The following SGIP1 variants were observed in gnomAD, a reference collection of about 807,000 sequenced individuals.
The protein encoded by SGIP1 is SH3GL interacting endocytic adaptor 1.
A neutral mutation model predicts 107.5 loss-of-function variants in SGIP1; 38 were observed. The observed-to-expected ratio is 0.35, with a 90% CI of 0.27 to 0.46. The LOEUF is 0.46. Ranked by LOEUF, SGIP1 falls within the 20% of genes least tolerant of loss-of-function variation. The pLI, the probability that SGIP1 is intolerant of heterozygous loss-of-function variation, is 1.00. For missense variants in SGIP1, 929 were observed against 1,019.5 expected, an observed-to-expected ratio of 0.91 and a Z score of 1.21; for synonymous variants, 365 against 366.1, an observed-to-expected ratio of 1.00 and a Z score of 0.03.
chr1:66,542,864 C>T (rs1426925363), intron 1 of SGIP1, among the ~76,000 whole-genome samples: 1 of 152,144 alleles, frequency 6.6e-6, no homozygotes, highest in Non-Finnish European at 1.5e-5. Context: ...GTGGCAGAAC[C>T]AGCACTTATC....
intron 18 of SGIP1, among the ~76,000 whole-genome samples, chr1:66,708,791 T>C (rs1374236934): frequency 2.6e-5 from 4 of 151,976 alleles, no homozygotes; most frequent in African/African-American, 4.8e-5. Context: ...AAAAAATATA[T>C]ATGCACATGA....
chr1:66,566,923 C>T (rs1046813414), intron 1 of SGIP1, among the ~76,000 whole-genome samples: 1 of 151,984 alleles, frequency 6.6e-6, no homozygotes, highest in Non-Finnish European at 1.5e-5. Flanking sequence ...CATGTGTTCT[C>T]ATCATTCAAC....
chr1:66,706,541 G>T (rs2092534165), intron 18 of SGIP1, among the ~76,000 whole-genome samples: 1 of 149,420 alleles, frequency 6.7e-6, no homozygotes, highest in African/African-American at 2.4e-5. Context: ...ATAAATAAAT[G>T]TAAAGATGAC....
intron 24 of SGIP1, among the ~76,000 whole-genome samples, chr1:66,742,210 C>T (rs181251195): frequency 9.9e-5 from 15 of 152,166 alleles, no homozygotes; most frequent in South Asian, 8.3e-4. Flanking sequence ...GGCCACAGAT[C>T]AAAACTGGTC....
At chr1:66,679,793 C>T (rs2086249111) in intron 14 of SGIP1, 41 bp downstream of exon 14, 1 of 1,530,160 alleles carries the variant, frequency 6.5e-7, no homozygotes, top group African/African-American at 1.4e-5. Context: ...ATGTGTCAAA[C>T]AGAGCAGTGG....
intron 4 of SGIP1, among the ~76,000 whole-genome samples, chr1:66,637,455 T>TTGTG (rs879668501): frequency 1.6e-3 from 60 of 38,478 alleles, no homozygotes; most frequent in African/African-American, 5.3e-3. Context: ...GTGTGTGTGT[T>TTGTG]TGTGTGTGTG....
chr1:66,539,470 C>G (rs2054379775), intron 1 of SGIP1, among the ~76,000 whole-genome samples: 1 of 152,176 alleles, frequency 6.6e-6, no homozygotes, highest in South Asian at 2.1e-4. Context: ...TTAGAAAGAT[C>G]TGATATTAGA....
At chr1:66,659,902 G>A (rs1489441739) in intron 7 of SGIP1, among the ~76,000 whole-genome samples, 1 of 146,534 alleles carries the variant, frequency 6.8e-6, no homozygotes, top group African/African-American at 2.6e-5. Context: ...GAGCAAGACA[G>A]ACTCTGTCAG....
intron 1 of SGIP1, among the ~76,000 whole-genome samples, chr1:66,610,689 A>G (rs2067800505): frequency 6.7e-6 from 1 of 148,610 alleles, no homozygotes; most frequent in South Asian, 2.3e-4. Context: ...TAGGGGAAAA[A>G]AGGAATTCAG....
At position 66,589,216 on chromosome 1, in the gene SGIP1, A is replaced by ATGTGTG. The variant is rs1477899813; in HGVS notation, c.11-36628_11-36627insGTGTGT. Among the ~76,000 whole-genome samples the ATGTGTG allele has an allele frequency of 8.3e-5, 8 of 96,436 alleles. 1 individual carries two copies. The highest frequency in any genetic ancestry group is 3.3e-4 in the African/African-American group (8 of 24,318). The allele number at this position is 96,436 out of a possible 152,430, so 63.3% of individuals were successfully genotyped here. A position where few individuals can be genotyped will look rare whatever the true frequency, so the allele number is the denominator to read the frequency against. ...TATATATATATATATATATATATAT[A>ATGTGTG]TGTAAGGCTTGGGGTAAAGAGAAGG... On this transcript the variant is annotated intron_variant, in intron 1 of 24. Coordinates refer to ENST00000371037, the MANE Select transcript of SGIP1 (RefSeq NM_032291.4).
chr1:66,644,586 C>A (rs565852222), intron 7 of SGIP1, among the ~76,000 whole-genome samples: 6 of 152,266 alleles, frequency 3.9e-5, no homozygotes, highest in Admixed American at 2.6e-4. Context: ...AGCATTCCCC[C>A]TGAACAGAGC....
At chr1:66,721,735 T>C (rs1438197493) in intron 19 of SGIP1, among the ~76,000 whole-genome samples, 1 of 151,898 alleles carries the variant, frequency 6.6e-6, no homozygotes, top group Admixed American at 6.6e-5. Context: ...AAAATAAGAG[T>C]AGTCAGGAGT....
chr1:66,741,345 C>A lies in SGIP1; in HGVS notation c.2373C>A (p.Phe791Leu). 1 of 1,610,940 alleles carries A rather than the reference C, an allele frequency of 6.2e-7. No homozygotes were observed. The highest frequency in any genetic ancestry group is 1.1e-5 in the South Asian group (1 of 90,566). The change falls in exon 24 of 25, where the codon TTC (phenylalanine) becomes TTA (leucine). Residue 791 changes from phenylalanine (F) to leucine (L), a missense_variant. Physicochemically the swap from Phe to Leu is conservative, Grantham distance 22. Coordinates refer to ENST00000371037, the MANE Select transcript of SGIP1 (RefSeq NM_032291.4). ...AACCTTCTCCATTGGTTGTGCAGTT[C>A]ACAAGTGAAGGAAGCACCCTTTCTG... ...PSKPSPLVVQ[F>L]TSEGSTLSGC...
chr1:66,643,916 T>C (rs1430072763), intron 7 of SGIP1, 197 bp downstream of exon 7: 1 of 381,680 alleles, frequency 2.6e-6, no homozygotes, highest in Non-Finnish European at 4.5e-6. Context: ...CCTTGTGCTT[T>C]TCAAAAAGGT....
chr1:66,696,277 A>T (rs148605017), intron 18 of SGIP1, among the ~76,000 whole-genome samples: 1 of 152,184 alleles, frequency 6.6e-6, no homozygotes, highest in Admixed American at 6.6e-5. Context: ...ATGATGGGGG[A>T]AGAAGTTAAG....
Position 66,683,700 on chromosome 1 carries a change from C to CTTTTTTTTTT in SGIP1, c.1315+1350_1315+1359dup, listed in dbSNP as rs869266510. On this transcript the variant is annotated intron_variant, in intron 15 of 24. Transcript: ENST00000371037. ...ACCACACTGTTTGTTTGTTTCTTTT[C>CTTTTTTTTTT]TTTTTTTTTTTTTTTTTTTTTTTTT... 2.2e-3 allele frequency among the ~76,000 whole-genome samples: 136 copies of CTTTTTTTTTT among 61,390 alleles called. 15 individuals are homozygous for CTTTTTTTTTT. The highest frequency in any genetic ancestry group is 6.6e-3 in the East Asian group (6 of 908). The allele number at this position is 61,390 out of a possible 152,430, so 40.3% of individuals were successfully genotyped here.
chr1:66,562,663 T>G (rs1271817525), intron 1 of SGIP1, among the ~76,000 whole-genome samples: 1 of 152,082 alleles, frequency 6.6e-6, no homozygotes, highest in Non-Finnish European at 1.5e-5. Context: ...CAAAAATACT[T>G]TGGGCCTTCT....
intron 5 of SGIP1, 51 bp downstream of exon 5, chr1:66,639,884 ATGAGT>A (rs2076454627): frequency 1.4e-6 from 2 of 1,470,636 alleles, no homozygotes; most frequent in South Asian, 2.4e-5. Context: ...CAGTTTAAAA[ATGAGT>A]TGAGGCATTC....
At chr1:66,681,550 A>G (rs953509754) in intron 14 of SGIP1, among the ~76,000 whole-genome samples, 3 of 152,220 alleles carry the variant, frequency 2.0e-5, no homozygotes, top group Admixed American at 1.3e-4. Flanking sequence ...TCTCAAAATG[A>G]TCACACTTGG....
Sources: gnomAD v4.1 joint callset for allele counts (sites outside exome capture counted in the v4.1 genomes callset) on GRCh38, gnomAD v4.1.1 for gene constraint, MANE v1.5 for transcripts, NCBI Gene and HGNC (gene_info 2026-07-23, HGNC 2026-07-21) for gene names.